Variants in RNF217 observed in about 807,000 individuals in gnomAD.
The protein encoded by RNF217 is E3 ubiquitin-protein ligase RNF217.
In RNF217, 31 loss-of-function variants were observed where a neutral mutation model predicts 57.8. That is an observed-to-expected ratio of 0.54 (90% confidence interval 0.40 to 0.72). The LOEUF (loss-of-function observed/expected upper bound fraction) is 0.72, where lower values mean the gene tolerates loss of function less well. Among genes scored for constraint, RNF217 ranks in the 30% least tolerant of loss-of-function variants. RNF217 has a pLI of 0.00. For synonymous variants in RNF217, 313 were observed against 294.0 expected, an observed-to-expected ratio of 1.06 and a Z score of -0.66; for missense variants, 696 against 708.3, an observed-to-expected ratio of 0.98 and a Z score of 0.20.
intron 1 of RNF217, among the ~76,000 whole-genome samples, chr6:124,991,210 C>T (rs948503955): frequency 6.6e-6 from 1 of 152,196 alleles, no homozygotes; most frequent in Non-Finnish European, 1.5e-5. Context: ...TCTCTGACTC[C>T]ATTTTCTATT....
At chr6:125,025,737 T>TAGGGAGGGAGGAAGGGAAGGAGGG in intron 1 of RNF217, among the ~76,000 whole-genome samples, 2 of 103,904 alleles carry the variant, frequency 1.9e-5, no homozygotes, top group Non-Finnish European at 3.5e-5. Flanking sequence ...GAAGGTGTTC[T>TAGGGAGGGAGGAAGGGAAGGAGGG]AGGGAGGGAG....
At chr6:125,043,098 A>G (rs979054936) in intron 1 of RNF217, among the ~76,000 whole-genome samples, 1 of 152,036 alleles carries the variant, frequency 6.6e-6, no homozygotes, top group African/African-American at 2.4e-5. Context: ...TAGCTGGTTC[A>G]TCTTTGCTTA....
rs189285921 is a variant in RNF217 at position 125,082,916 on chromosome 6, A to T, written c.1608A>T (p.Ser536=). Residue 536 remains serine, a synonymous_variant, in exon 6 of 6, where the codon TCA becomes TCT. Transcript: ENST00000521654. ...YCLCKKQRKR[S]RTGMHW ...TTTGTAAAAAACAGAGAAAACGATC[A>T]CGGACAGGTATGCACTGGTAACATG... 28 of 1,605,110 alleles carry T rather than the reference A, an allele frequency of 1.7e-5. No individual in the cohort carries two copies. The African/African-American group carries it at 3.0e-4, about 17-fold the overall frequency.
rs1788728978 is a variant in RNF217, at chr6:125,084,981, A to G, written c.*2044A>G. ...ATTAGTTTGGCAATATGTGAATATG[A>G]TGAACTCTAAACCTAGCTGATCTGT... On this transcript the variant is annotated 3_prime_UTR_variant, in exon 6 of 6. Coordinates refer to ENST00000521654, the MANE Select transcript of RNF217 (RefSeq NM_001286398.3). 2 of 150,900 alleles carry G rather than the reference A, an allele frequency of 1.3e-5. No individual in the cohort carries two copies. Among genetic ancestry groups the G allele is most frequent in the Admixed American group, 6.6e-5 (1 of 15,150 alleles). The allele number at this position is 150,900 out of a possible 1,614,324, so 9.3% of individuals were successfully genotyped here.
intron 1 of RNF217, among the ~76,000 whole-genome samples, chr6:124,970,937 C>T (rs1402528797): frequency 2.0e-5 from 3 of 152,196 alleles, no homozygotes; most frequent in Admixed American, 2.0e-4. Context: ...CATCAGATTT[C>T]CCAACAAGGA....
rs1787047967 is a variant in RNF217, at chr6:125,045,200, C to T, written c.883-11C>T. The T allele has an allele frequency of 6.3e-7, 1 of 1,579,596 alleles. No individual in the cohort carries two copies. Reference sequence around the variant, plus strand: ...CGTTTTTTTCCTTCCATCTGCTCTTCCATCATGCAGGTACAACTTGGCCAA... The same window carrying T: ...CGTTTTTTTCCTTCCATCTGCTCTTTCATCATGCAGGTACAACTTGGCCAA... On this transcript the variant is annotated splice_polypyrimidine_tract_variant and intron_variant, in intron 1 of 5. Transcript: ENST00000521654.
chr6:125,049,088 C>T lies in RNF217; in HGVS notation c.1116+3644C>T, dbSNP rs115583903. Among the ~76,000 whole-genome samples, 90 of 152,132 alleles carry T rather than the reference C, an allele frequency of 5.9e-4. 1 individual carries two copies. The highest frequency in any genetic ancestry group is 1.9e-3 in the African/African-American group (80 of 41,544). ...CTACAAGGTTGACGTCAGCTTCCAA[C>T]TAGAAATCTAATTTCTAACCTGAAT... On this transcript the variant is annotated intron_variant, in intron 2 of 5. Coordinates refer to ENST00000521654, the MANE Select transcript of RNF217 (RefSeq NM_001286398.3).
chr6:125,046,361 C>T (rs1192653682), intron 2 of RNF217, among the ~76,000 whole-genome samples: 1 of 152,024 alleles, frequency 6.6e-6, no homozygotes, highest in African/African-American at 2.4e-5. Context: ...GAGGACCAGA[C>T]AGAAGTCTGG....
At chr6:125,062,416 ATACT>A (rs58793551) in intron 3 of RNF217, among the ~76,000 whole-genome samples, 3,217 of 152,176 alleles carry the variant, frequency 0.021, 107 homozygotes, top group African/African-American at 0.072. Flanking sequence ...CATGATCAAG[ATACT>A]TACTTACAAG....
chr6:125,066,332 A>C (rs1408130091), intron 3 of RNF217, among the ~76,000 whole-genome samples: 1 of 152,170 alleles, frequency 6.6e-6, no homozygotes, highest in Non-Finnish European at 1.5e-5. Context: ...AGTTAGTTCT[A>C]TGATGACCAT....
intron 1 of RNF217, among the ~76,000 whole-genome samples, chr6:125,038,884 C>T (rs868066993): frequency 3.9e-5 from 6 of 151,990 alleles, no homozygotes; most frequent in Admixed American, 1.3e-4. Context: ...AGGTTTGTTG[C>T]ATAGGTAAAC....
intron 1 of RNF217, among the ~76,000 whole-genome samples, chr6:125,001,169 G>GT (rs1375255328): frequency 6.6e-6 from 1 of 152,168 alleles, no homozygotes; most frequent in African/African-American, 2.4e-5. Context: ...AATAAAAGAA[G>GT]TCAAGTTTTT....
At chr6:125,082,402 G>A (rs936225375) in intron 5 of RNF217, 1 of 1,506,718 alleles carries the variant, frequency 6.6e-7, no homozygotes, top group African/African-American at 1.4e-5. Flanking sequence ...TTCTTGCAAT[G>A]TGAGTTAGGA....
At chr6:125,011,990 G>A (rs544655227) in intron 1 of RNF217, among the ~76,000 whole-genome samples, 2 of 151,780 alleles carry the variant, frequency 1.3e-5, no homozygotes, top group South Asian at 4.2e-4. Flanking sequence ...AAAATCAAAA[G>A]CCACTTTCTA....
intron 1 of RNF217, among the ~76,000 whole-genome samples, chr6:124,973,136 A>G (rs1330874920): frequency 6.6e-6 from 1 of 152,126 alleles, no homozygotes; most frequent in Admixed American, 6.5e-5. Context: ...TCAGTATTTC[A>G]TTTTCTTGTT....
rs770019153 is a variant in RNF217, at chr6:124,963,061, C to G, written c.517C>G (p.Leu173Val). The change falls in exon 1 of 6, where the codon CTG becomes GTG. Residue 173 changes from leucine (L) to valine (V), a missense_variant. Around this residue, in one of 2 missense-constraint regions of RNF217, gnomAD observed 465 missense variants for 386.8 expected, o/e 1.20. Transcript: ENST00000521654. ...CTCCGTGTACTGCGTGGAGAGCGACCTGCCCGAGGCCCCCGCCTCGGAGCA... is the reference window on the plus strand; with the variant it reads ...CTCCGTGTACTGCGTGGAGAGCGACGTGCCCGAGGCCCCCGCCTCGGAGCA... ...FCSVYCVESD[L>V]PEAPASEQLS... is the part of the protein sequence containing the mutation. 26 of 1,566,606 alleles carry G rather than the reference C, an allele frequency of 1.7e-5. No homozygotes were observed. The highest frequency in any genetic ancestry group is 2.2e-5 in the Non-Finnish European group (26 of 1,164,266).
chr6:124,973,761 A>T (rs548251793), intron 1 of RNF217, among the ~76,000 whole-genome samples: 1 of 152,272 alleles, frequency 6.6e-6, no homozygotes, highest in East Asian at 1.9e-4. Flanking sequence ...TTCTTTAATT[A>T]CAATACCTGT....
intron 1 of RNF217, among the ~76,000 whole-genome samples, chr6:124,985,054 T>C (rs1001390575): frequency 1.3e-5 from 2 of 152,186 alleles, no homozygotes; most frequent in Non-Finnish European, 2.9e-5. Context: ...AAAAAGCTCA[T>C]ACTCATTCTT....
At chr6:124,970,846 C>T (rs988099720) in intron 1 of RNF217, among the ~76,000 whole-genome samples, 7 of 152,114 alleles carry the variant, frequency 4.6e-5, no homozygotes, top group Non-Finnish European at 1.0e-4. Context: ...TACCCAGAAG[C>T]CAAAGACAGT....
Sources: allele counts gnomAD v4.1 joint callset (sites outside exome capture counted in the v4.1 genomes callset), GRCh38; gene constraint gnomAD v4.1.1; regional missense constraint gnomAD v4.1.1; transcripts MANE v1.5; gene names NCBI Gene and HGNC (gene_info 2026-07-23, HGNC 2026-07-21).